Variants in PDE7B observed in about 807,000 individuals in gnomAD.
The protein encoded by PDE7B is 3',5'-cyclic-AMP phosphodiesterase 7B.
PDE7B carries 29 observed loss-of-function variants against 56.2 expected under a neutral mutation model. The ratio of observed to expected loss-of-function variants is 0.52; its 90% confidence interval spans 0.38 to 0.70. The LOEUF is 0.70. Among genes scored for constraint, PDE7B ranks in the 30% least tolerant of loss-of-function variants. PDE7B has a pLI of 0.00. For synonymous variants in PDE7B, 197 were observed against 196.9 expected (o/e 1.00, Z 0.00); for missense variants, 490 against 565.0 (o/e 0.87, Z 1.35).
rs186764697 is a variant in PDE7B at position 135,942,741 on chromosome 6, T to C, written c.22-4723T>C. Among the ~76,000 whole-genome samples the C allele has an allele frequency of 1.2e-3, 178 of 152,288 alleles. 1 individual carries two copies. Among genetic ancestry groups the C allele is most frequent in the Admixed American group, 4.1e-3 (62 of 15,290 alleles). ...TGAATTCAACATAGAAGTGAGATCA[T>C]ACAGTATTTGTCTTTCTGTACCTGG... On this transcript the variant is annotated intron_variant, in intron 1 of 12. Coordinates refer to ENST00000308191, the MANE Select transcript of PDE7B (RefSeq NM_018945.4).
intron 1 of PDE7B, among the ~76,000 whole-genome samples, chr6:135,905,054 A>G (rs1157797733): frequency 6.6e-6 from 1 of 152,208 alleles, no homozygotes; most frequent in Non-Finnish European, 1.5e-5. Flanking sequence ...GAAATCATTA[A>G]TAACTTCTGA....
At chr6:135,921,541 A>G (rs748055855) in intron 1 of PDE7B, among the ~76,000 whole-genome samples, 3 of 152,182 alleles carry the variant, frequency 2.0e-5, no homozygotes, top group Non-Finnish European at 1.5e-5. Context: ...TTTTCATAGC[A>G]TAATATATCC....
intron 2 of PDE7B, among the ~76,000 whole-genome samples, chr6:136,023,859 A>G (rs1192069082): frequency 6.6e-6 from 1 of 152,204 alleles, no homozygotes; most frequent in Non-Finnish European, 1.5e-5. Context: ...AAGACCTAAA[A>G]GAAGAAAATC....
chr6:136,186,908 G>A (rs1779153532), intron 11 of PDE7B, 128 bp from the exon 12 acceptor site: 1 of 673,972 alleles, frequency 1.5e-6, no homozygotes, highest in South Asian at 1.7e-5. Flanking sequence ...GGGTCCCTAA[G>A]GGATAACAAG....
intron 2 of PDE7B, among the ~76,000 whole-genome samples, chr6:136,072,055 C>T (rs1777057401): frequency 6.6e-6 from 1 of 152,214 alleles, no homozygotes; most frequent in African/African-American, 2.4e-5. Flanking sequence ...TATATTTTAG[C>T]TTCTTCCCTC....
At chr6:136,058,947 T>C (rs1485642910) in intron 2 of PDE7B, among the ~76,000 whole-genome samples, 2 of 152,176 alleles carry the variant, frequency 1.3e-5, no homozygotes, top group Non-Finnish European at 2.9e-5. Flanking sequence ...GCTATGGAAA[T>C]AGCAGAAATA....
intron 1 of PDE7B, among the ~76,000 whole-genome samples, chr6:135,863,348 A>G (rs1304470713): frequency 3.3e-5 from 5 of 152,028 alleles, no homozygotes; most frequent in Non-Finnish European, 5.9e-5. Flanking sequence ...TCAAGGTTGA[A>G]TATCAGCAAT....
chr6:135,879,853 A>G (rs1775573066), intron 1 of PDE7B, among the ~76,000 whole-genome samples: 1 of 152,148 alleles, frequency 6.6e-6, no homozygotes, highest in African/African-American at 2.4e-5. Flanking sequence ...AACTTCCTCA[A>G]GTTGTAATCT....
intron 1 of PDE7B, among the ~76,000 whole-genome samples, chr6:135,917,289 C>G (rs1773971561): frequency 6.6e-6 from 1 of 151,878 alleles, no homozygotes; most frequent in African/African-American, 2.4e-5. Flanking sequence ...TTTTTTCAAC[C>G]TTTTCTTATT....
chr6:135,950,768 G>A (rs757666647), intron 2 of PDE7B, among the ~76,000 whole-genome samples: 22 of 152,194 alleles, frequency 1.4e-4, no homozygotes, highest in South Asian at 1.2e-3. Context: ...TTCCATTGGC[G>A]AGTCCCCATA....
intron 3 of PDE7B, among the ~76,000 whole-genome samples, chr6:136,122,932 C>A (rs1287036633): frequency 1.3e-5 from 2 of 152,196 alleles, no homozygotes. Flanking sequence ...CCTCCAGACA[C>A]ACTAAGACTG....
Position 135,935,216 on chromosome 6 carries a change from ATT to A in PDE7B, c.22-12245_22-12244del, listed in dbSNP as rs1491437506. Among the ~76,000 whole-genome samples the A allele has an allele frequency of 3.5e-4, 34 of 96,590 alleles. 10 individuals are homozygous for A. The highest frequency in any genetic ancestry group is 1.8e-3 in the South Asian group (6 of 3,276). The allele number at this position is 96,590 out of a possible 152,430, so 63.4% of individuals were successfully genotyped here. A position where few individuals can be genotyped will look rare whatever the true frequency, so the allele number is the denominator to read the frequency against. ...TATATATATATATATATATATATAT[ATT>A]TTCATGATTCTTGCTCTCCAGGAAA... On this transcript the variant is annotated intron_variant, in intron 1 of 12. Coordinates refer to ENST00000308191, the MANE Select transcript of PDE7B (RefSeq NM_018945.4).
chr6:135,925,197 T>C (rs1261954808), intron 1 of PDE7B, among the ~76,000 whole-genome samples: 1 of 152,106 alleles, frequency 6.6e-6, no homozygotes, highest in Non-Finnish European at 1.5e-5. Context: ...AAACATTATG[T>C]TCCCTAACTG....
chr6:136,157,222 T>C (rs1388199588), intron 8 of PDE7B, among the ~76,000 whole-genome samples: 3 of 152,150 alleles, frequency 2.0e-5, no homozygotes, highest in African/African-American at 7.2e-5. Context: ...TCACCTACCG[T>C]GTACCAGAAA....
chr6:136,053,906 G>GT (rs895495405), intron 2 of PDE7B, among the ~76,000 whole-genome samples: 60 of 152,172 alleles, frequency 3.9e-4, no homozygotes, highest in Non-Finnish European at 4.4e-4. Context: ...TGATGGCGTT[G>GT]TTTTTTTCTT....
chr6:136,163,122 G>A (rs186654121), intron 8 of PDE7B, among the ~76,000 whole-genome samples: 217 of 152,320 alleles, frequency 1.4e-3, no homozygotes, highest in Middle Eastern at 3.4e-3. Context: ...ACTCTGTGTG[G>A]GAGCTCCAAT....
At chr6:136,041,503 C>T (rs967537139) in intron 2 of PDE7B, among the ~76,000 whole-genome samples, 15 of 152,298 alleles carry the variant, frequency 9.8e-5, no homozygotes, top group East Asian at 1.9e-4. Context: ...CATGCTCTGC[C>T]GACTGTTGGG....
At chr6:136,020,843 A>G (rs1776058879) in intron 2 of PDE7B, among the ~76,000 whole-genome samples, 1 of 152,186 alleles carries the variant, frequency 6.6e-6, no homozygotes, top group South Asian at 2.1e-4. Flanking sequence ...AGCTTTCTTT[A>G]TATTTATGCC....
intron 2 of PDE7B, among the ~76,000 whole-genome samples, chr6:136,082,223 C>T (rs1459854813): frequency 6.6e-6 from 1 of 152,172 alleles, no homozygotes; most frequent in Non-Finnish European, 1.5e-5. Flanking sequence ...TGCTCATGAC[C>T]AACCTCTCAC....
Sources: gnomAD v4.1 joint callset for allele counts (sites outside exome capture counted in the v4.1 genomes callset) on GRCh38, gnomAD v4.1.1 for gene constraint, MANE v1.5 for transcripts, NCBI Gene and HGNC (gene_info 2026-07-23, HGNC 2026-07-21) for gene names.